The following ZNF148 variants were observed in gnomAD, a reference collection of about 807,000 sequenced individuals.
The protein encoded by ZNF148 is zinc finger protein 148, also known as Beta-Enolase Repressor Factor-1.
In ZNF148, 7 loss-of-function variants were observed where a neutral mutation model predicts 67.7. That is an observed-to-expected ratio of 0.10 (90% CI 0.06 to 0.19). The LOEUF (loss-of-function observed/expected upper bound fraction) is 0.19. Ranked by LOEUF, ZNF148 falls within the 10% of genes least tolerant of loss-of-function variation. The pLI, the probability that ZNF148 is intolerant of heterozygous loss-of-function variation, is 1.00. For missense variants in ZNF148, 583 were observed against 947.1 expected (o/e 0.62, Z 5.05); for synonymous variants, 333 against 330.7 (o/e 1.01, Z -0.08).
intron 7 of ZNF148, among the ~76,000 whole-genome samples, chr3:125,252,269 T>G (rs1936871410): frequency 6.7e-6 from 1 of 150,358 alleles, no homozygotes; most frequent in Non-Finnish European, 1.5e-5. Context: ...CCATTAAGAT[T>G]AGTACTTTCT....
intron 1 of ZNF148, among the ~76,000 whole-genome samples, chr3:125,370,477 A>G (rs1942844134): frequency 1.3e-5 from 2 of 152,244 alleles, no homozygotes; most frequent in African/African-American, 2.4e-5. Context: ...TAGAGACTAC[A>G]GGAAGTCTCT....
Position 125,232,341 on chromosome 3 carries a change from T to C in ZNF148, c.2385A>G (p.Ter795=), listed in dbSNP as rs756430155. 2.4e-5 allele frequency: 38 copies of C among 1,578,896 alleles called. No homozygotes were observed. Among genetic ancestry groups the C allele is most frequent in the Non-Finnish European group, 3.1e-5 (36 of 1,164,398 alleles). ...PDATTGQTFG[*] is the part of the protein sequence containing the mutation. ...TATTATTTACACTTTTTTTTTTTTT[T>C]TAGCCAAAAGTCTGGCCAGTTGTGG... Residue 795 remains the stop codon, a stop_retained_variant, in exon 9 of 9, where the codon TAA becomes TAG. Transcript: ENST00000360647. This position sits in a 1 kb window ranked among gnomAD's most constrained non-coding sequence, Gnocchi z 4.2.
intron 7 of ZNF148, among the ~76,000 whole-genome samples, chr3:125,237,164 T>C (rs1462943969): frequency 6.6e-6 from 1 of 152,130 alleles, no homozygotes; most frequent in Non-Finnish European, 1.5e-5. Context: ...TTATCAATAC[T>C]GAATACCGCC....
intron 7 of ZNF148, among the ~76,000 whole-genome samples, chr3:125,263,130 T>C (rs868161328): frequency 3.0e-4 from 45 of 152,388 alleles, no homozygotes; most frequent in Middle Eastern, 3.4e-3. Context: ...TTCATCCATT[T>C]AAAGTGTATA....
chr3:125,368,373 A>T (rs1030165341), intron 1 of ZNF148, among the ~76,000 whole-genome samples: 7 of 152,198 alleles, frequency 4.6e-5, no homozygotes, highest in Non-Finnish European at 8.8e-5. Context: ...CTCAACCAAC[A>T]TTTATGTAGT....
At chr3:125,280,758 C>A (rs1439581101) in intron 5 of ZNF148, among the ~76,000 whole-genome samples, 1,679 of 92,232 alleles carry the variant, frequency 0.018, 1 homozygote, top group South Asian at 0.026. Context: ...TTGACGAAAG[C>A]AAAAAAAAAA....
In ZNF148 at chr3:125,228,556, C is replaced by CAT. The variant is rs1935728463; in HGVS notation, c.*3783_*3784dup. 6.6e-6 allele frequency: 1 copy of CAT among 152,626 alleles called. No homozygotes were observed. Among genetic ancestry groups the CAT allele is most frequent in the Non-Finnish European group, 1.5e-5 (1 of 68,028 alleles). The allele number at this position is 152,626 out of a possible 1,614,324, so 9.5% of individuals were successfully genotyped here. ...TTATTGCTTACATACAGTACAACAT[C>CAT]ATATGCCTTCTAACATAAAGCAGTA... is the stretch of plus-strand genomic sequence containing the variant. On this transcript the variant is annotated 3_prime_UTR_variant, in exon 9 of 9. Transcript: ENST00000360647.
intron 1 of ZNF148, among the ~76,000 whole-genome samples, chr3:125,358,674 A>G (rs1942444275): frequency 6.6e-6 from 1 of 152,224 alleles, no homozygotes; most frequent in Non-Finnish European, 1.5e-5. Context: ...TAGTTCCACT[A>G]CTAGTCCCAC....
At chr3:125,241,497 C>A (rs1936358255) in intron 7 of ZNF148, among the ~76,000 whole-genome samples, 1 of 152,036 alleles carries the variant, frequency 6.6e-6, no homozygotes, top group Non-Finnish European at 1.5e-5. Context: ...TTCCCTCATT[C>A]TTTTACAAAG....
chr3:125,288,769 T>C (rs1416312502), intron 4 of ZNF148, among the ~76,000 whole-genome samples: 1 of 152,160 alleles, frequency 6.6e-6, no homozygotes, highest in African/African-American at 2.4e-5. Flanking sequence ...AGTTTTGTCA[T>C]ATGACTCAAG....
intron 7 of ZNF148, among the ~76,000 whole-genome samples, chr3:125,237,945 T>C (rs568557695): frequency 6.6e-6 from 1 of 152,288 alleles, no homozygotes; most frequent in African/African-American, 2.4e-5. Context: ...AAGACATACA[T>C]ATCAAGGAAT....
intron 7 of ZNF148, among the ~76,000 whole-genome samples, chr3:125,237,233 G>A (rs1032175218): frequency 8.5e-5 from 13 of 152,166 alleles, no homozygotes; most frequent in Admixed American, 2.0e-4. Flanking sequence ...AAGGGAAGGA[G>A]ATTACAGGCA....
At chr3:125,301,676 C>CTAGAAAAA (rs1366948085) in intron 4 of ZNF148, among the ~76,000 whole-genome samples, 1 of 152,166 alleles carries the variant, frequency 6.6e-6, no homozygotes, top group African/African-American at 2.4e-5. Flanking sequence ...TTAGCACAAT[C>CTAGAAAAA]TAGAAAAACA....
chr3:125,334,047 C>T (rs1242708878), intron 1 of ZNF148, among the ~76,000 whole-genome samples: 1 of 152,170 alleles, frequency 6.6e-6, no homozygotes, highest in East Asian at 1.9e-4. Flanking sequence ...ATGGTACAAA[C>T]TTGTATACCT....
At chr3:125,288,377 C>T (rs980949418) in intron 4 of ZNF148, 149 bp from the exon 5 acceptor site, 9 of 730,650 alleles carry the variant, frequency 1.2e-5, no homozygotes, top group Non-Finnish European at 1.7e-5. Flanking sequence ...ATATACAGTG[C>T]TATAGAATTC....
chr3:125,310,871 T>G (rs1940172897), intron 4 of ZNF148: 1 of 209,614 alleles, frequency 4.8e-6, no homozygotes, highest in African/African-American at 2.3e-5. Context: ...CTGCTCGCAT[T>G]TTCACTCTGC....
chr3:125,269,205 C>CAAAAAA (rs71148173), intron 7 of ZNF148, among the ~76,000 whole-genome samples: 17 of 96,814 alleles, frequency 1.8e-4, no homozygotes, highest in Non-Finnish European at 2.5e-4. Context: ...CGGTCTCTAC[C>CAAAAAA]AAAAAAAAAA....
intron 4 of ZNF148, among the ~76,000 whole-genome samples, chr3:125,296,370 G>A (rs986817649): frequency 7.2e-5 from 11 of 152,240 alleles, no homozygotes; most frequent in East Asian, 1.9e-4. Flanking sequence ...AGATCCACCC[G>A]CCTCGGCCTC....
intron 1 of ZNF148, among the ~76,000 whole-genome samples, chr3:125,358,338 T>A (rs1201784394): frequency 6.6e-6 from 1 of 152,004 alleles, no homozygotes; most frequent in Non-Finnish European, 1.5e-5. Context: ...AAAAAAAAGC[T>A]TCATAAATCA....
Sources: gnomAD v4.1 joint callset for allele counts (sites outside exome capture counted in the v4.1 genomes callset) on GRCh38, gnomAD v4.1.1 for gene constraint, Gnocchi (gnomAD v3.1) non-coding constraint, MANE v1.5 for transcripts, NCBI Gene and HGNC (gene_info 2026-07-23, HGNC 2026-07-21) for gene names.